The following MAGI2 variants were observed in gnomAD, a reference collection of about 807,000 sequenced individuals.
MAGI2 encodes the protein membrane associated guanylate kinase, WW and PDZ domain containing 2.
In MAGI2, 35 loss-of-function variants were observed where a neutral mutation model predicts 133.3. The observed-to-expected ratio is 0.26, with a 90% CI of 0.20 to 0.35. MAGI2 has a LOEUF of 0.35. Among genes scored for constraint, MAGI2 ranks in the 10% least tolerant of loss-of-function variants. The pLI, the probability that MAGI2 is intolerant of heterozygous loss-of-function variation, is 1.00. For missense variants in MAGI2, 1,636 were observed against 1,863.4 expected (o/e 0.88, Z 2.25); for synonymous variants, 729 against 710.6 (o/e 1.03, Z -0.41).
intron 6 of MAGI2, among the ~76,000 whole-genome samples, chr7:78,389,387 T>G (rs889678401): frequency 5.9e-5 from 9 of 152,184 alleles, no homozygotes; most frequent in African/African-American, 2.2e-4. Flanking sequence ...ATTATGACCA[T>G]CTGTTTTCTG....
intron 3 of MAGI2, among the ~76,000 whole-genome samples, chr7:78,585,427 T>C (rs967014485): frequency 2.0e-5 from 3 of 152,212 alleles, no homozygotes; most frequent in Admixed American, 6.5e-5. Context: ...CAGGAAGAAC[T>C]GCAGTCTCTA....
chr7:78,859,771 T>A (rs906789364), intron 2 of MAGI2, among the ~76,000 whole-genome samples: 6 of 152,202 alleles, frequency 3.9e-5, no homozygotes, highest in African/African-American at 1.4e-4. Context: ...ATTTCCTGAA[T>A]TTGAATGTTG....
At chr7:79,228,353 G>GAAAAAAAAAAAAAAAAAAAAAAAAAA (rs1831044112) in intron 1 of MAGI2, among the ~76,000 whole-genome samples, 1 of 5,812 alleles carries the variant, frequency 1.7e-4, no homozygotes, top group Non-Finnish European at 6.6e-4. Flanking sequence ...AAAAAAACAG[G>GAAAAAAAAAAAAAAAAAAAAAAAAAA]CAAAAAAAAA....
chr7:78,714,960 G>T (rs532354750), intron 2 of MAGI2, among the ~76,000 whole-genome samples: 28 of 152,308 alleles, frequency 1.8e-4, no homozygotes, highest in Admixed American at 9.8e-4. Flanking sequence ...AAGCGCTAGA[G>T]TTTTCAATTT....
At chr7:78,084,748 G>T (rs1459219819) in intron 20 of MAGI2, among the ~76,000 whole-genome samples, 1 of 152,210 alleles carries the variant, frequency 6.6e-6, no homozygotes, top group African/African-American at 2.4e-5. Context: ...GGTCTTTGCT[G>T]CTGCAGTCAT....
intron 1 of MAGI2, among the ~76,000 whole-genome samples, chr7:79,089,294 T>C (rs1184337580): frequency 1.3e-5 from 2 of 151,972 alleles, no homozygotes; most frequent in Non-Finnish European, 2.9e-5. Flanking sequence ...CATTAGAAAG[T>C]CAGGAAACAA....
chr7:79,329,569 A>G lies in MAGI2; in HGVS notation c.301+123451T>C, dbSNP rs1310884168. On this transcript the variant is annotated intron_variant, in intron 1 of 21. Transcript: ENST00000354212. Reference sequence around the variant, plus strand: ...AAGCCATCCGTATTACTTTGACTGCATAATGTTCACATTAGTAGCCACATA... The same window carrying G: ...AAGCCATCCGTATTACTTTGACTGCGTAATGTTCACATTAGTAGCCACATA... Among the ~76,000 whole-genome samples, 3 of 152,222 alleles carry G rather than the reference A, an allele frequency of 2.0e-5. 1 individual carries two copies. The highest frequency in any genetic ancestry group is 1.5e-5 in the Non-Finnish European group (1 of 68,036).
At chr7:79,234,794 C>T (rs1190854623) in intron 1 of MAGI2, among the ~76,000 whole-genome samples, 6 of 151,078 alleles carry the variant, frequency 4.0e-5, no homozygotes, top group Non-Finnish European at 7.4e-5. Flanking sequence ...TCTCTCAGCT[C>T]GTCAAAGTCA....
At chr7:79,086,093 A>G (rs1330405960) in intron 1 of MAGI2, among the ~76,000 whole-genome samples, 4 of 151,764 alleles carry the variant, frequency 2.6e-5, no homozygotes. Flanking sequence ...TTCCTTTTAG[A>G]TTGTTTTTAG....
At position 78,167,985 on chromosome 7, in the gene MAGI2, C is replaced by T. The variant is rs745367148; in HGVS notation, c.2527G>A (p.Asp843Asn). The T allele has an allele frequency of 1.4e-5, 22 of 1,613,946 alleles. 1 individual carries two copies. In the Middle Eastern group the frequency reaches 4.9e-4, roughly 36 times the overall value. ...TTGCGGGCTGCGTGGTGCATGAGGT[C>T]GATGACATAGCGGTGGGTTTTGCCG... Reference protein sequence around the residue: ...VAGKTHRYVIDLMHHAARNGQ... With the variant: ...VAGKTHRYVINLMHHAARNGQ... Residue 843 changes from aspartate to asparagine, a missense_variant, in exon 15 of 22, where the codon GAC becomes AAC. By Grantham distance (23) the Asp-to-Asn change is conservative. Around this residue, in one of 5 missense-constraint regions of MAGI2, gnomAD observed 920 missense variants for 1,093.5 expected, o/e 0.84. Coordinates refer to ENST00000354212, the MANE Select transcript of MAGI2 (RefSeq NM_012301.4).
chr7:78,434,503 C>T (rs1163097273), intron 6 of MAGI2, among the ~76,000 whole-genome samples: 1 of 152,104 alleles, frequency 6.6e-6, no homozygotes, highest in African/African-American at 2.4e-5. Context: ...AAAAGAAACA[C>T]TTCAATTCCT....
chr7:78,698,537 C>T (rs1256920481), intron 2 of MAGI2, among the ~76,000 whole-genome samples: 3 of 152,100 alleles, frequency 2.0e-5, no homozygotes, highest in African/African-American at 4.8e-5. Flanking sequence ...TGTGTCGGTA[C>T]GTTTAAGAAA....
intron 9 of MAGI2, among the ~76,000 whole-genome samples, chr7:78,259,625 G>C (rs1584603741): frequency 1.3e-5 from 2 of 152,180 alleles, no homozygotes; most frequent in East Asian, 3.8e-4. Flanking sequence ...GAGTATGATT[G>C]TGGAAACAAT....
chr7:79,140,900 T>C (rs1400346649), intron 1 of MAGI2, among the ~76,000 whole-genome samples: 1 of 152,188 alleles, frequency 6.6e-6, no homozygotes, highest in African/African-American at 2.4e-5. Flanking sequence ...AATAGCAACA[T>C]TGTTAAGAAT....
At chr7:78,684,273 T>C (rs1473330575) in intron 2 of MAGI2, among the ~76,000 whole-genome samples, 2 of 152,290 alleles carry the variant, frequency 1.3e-5, no homozygotes, top group Admixed American at 6.5e-5. Context: ...CTATAAGCCT[T>C]CTAGGAAAGT....
intron 6 of MAGI2, among the ~76,000 whole-genome samples, chr7:78,464,763 C>T (rs1362470586): frequency 2.7e-5 from 4 of 148,058 alleles, no homozygotes; most frequent in Non-Finnish European, 5.9e-5. Context: ...CAAATACATG[C>T]AAAAAATGTA....
chr7:79,004,952 C>G (rs1430598120), intron 2 of MAGI2, among the ~76,000 whole-genome samples: 1 of 151,912 alleles, frequency 6.6e-6, no homozygotes, highest in Non-Finnish European at 1.5e-5. Context: ...CATGGTGGCA[C>G]ATGCCTGTAA....
At chr7:79,057,282 G>A (rs1337943071) in intron 1 of MAGI2, among the ~76,000 whole-genome samples, 3 of 152,122 alleles carry the variant, frequency 2.0e-5, no homozygotes, top group Non-Finnish European at 2.9e-5. Context: ...GACCACATGA[G>A]TTAGACATTT....
At chr7:78,813,609 C>A (rs1485824844) in intron 2 of MAGI2, among the ~76,000 whole-genome samples, 1 of 151,960 alleles carries the variant, frequency 6.6e-6, no homozygotes, top group African/African-American at 2.4e-5. Flanking sequence ...CACAGTGAAA[C>A]ACCGTCTCTA....
Sources: allele counts gnomAD v4.1 joint callset (sites outside exome capture counted in the v4.1 genomes callset), GRCh38; gene constraint gnomAD v4.1.1; regional missense constraint gnomAD v4.1.1; transcripts MANE v1.5; gene names NCBI Gene and HGNC (gene_info 2026-07-23, HGNC 2026-07-21).